The following ANKRD27 variants were observed in gnomAD, a reference collection of about 807,000 sequenced individuals.
ANKRD27 encodes ankyrin repeat domain 27.
In ANKRD27, 112 loss-of-function variants were observed where a neutral mutation model predicts 129.7. That is an observed-to-expected ratio of 0.86 (90% CI 0.74 to 1.01). The LOEUF (loss-of-function observed/expected upper bound fraction) is 1.01. ANKRD27 is among the 50% of genes least tolerant of loss of function. The pLI, the probability that ANKRD27 is intolerant of heterozygous loss-of-function variation, is 0.00. For synonymous variants in ANKRD27, 516 were observed against 511.2 expected (o/e 1.01, Z -0.13); for missense variants, 1,258 against 1,300.5 (o/e 0.97, Z 0.50).
intron 12 of ANKRD27, among the ~76,000 whole-genome samples, chr19:32,634,578 A>T (rs1967056063): frequency 6.6e-6 from 1 of 152,190 alleles, no homozygotes; most frequent in Non-Finnish European, 1.5e-5. Context: ...CTTACACCCC[A>T]GATGCAGAGA....
At chr19:32,618,783 C>G (rs1053171950) in intron 20 of ANKRD27, among the ~76,000 whole-genome samples, 3 of 152,034 alleles carry the variant, frequency 2.0e-5, no homozygotes, top group Non-Finnish European at 4.4e-5. Flanking sequence ...TGGTGGCTCA[C>G]GCCTGTAATC....
At position 32,599,726 on chromosome 19, in the gene ANKRD27, A is replaced by T. The variant is rs1251187290; in HGVS notation, c.2897T>A (p.Leu966Ter). Residue 966 changes from leucine to a stop codon, truncating the protein, a stop_gained, in exon 28 of 29, where the codon TTA (leucine) becomes TAA (stop). Coordinates refer to ENST00000306065, the MANE Select transcript of ANKRD27 (RefSeq NM_032139.3). LOFTEE classifies it low-confidence loss of function (END_TRUNC). ...TACCTCATGCAAAGAACCTTCGGTTAAATTAGGGACACTTCTATCTCTTGC... is the reference window on the plus strand; with the variant it reads ...TACCTCATGCAAAGAACCTTCGGTTTAATTAGGGACACTTCTATCTCTTGC... ...IMARDRSVPN[L>*]TEGSLHEPGR... is the part of the protein sequence containing the mutation. 4 of 1,613,356 alleles carry T rather than the reference A, an allele frequency of 2.5e-6. No individual in the cohort carries two copies. In the Admixed American group the frequency reaches 6.7e-5, roughly 27 times the overall value.
intron 22 of ANKRD27, among the ~76,000 whole-genome samples, chr19:32,612,188 GA>G (rs1008284236): frequency 6.6e-6 from 1 of 151,830 alleles, no homozygotes; most frequent in African/African-American, 2.4e-5. Flanking sequence ...TCTGTATGCT[GA>G]AAAAAAATCA....
chr19:32,671,612 T>G lies in ANKRD27; in HGVS notation c.-31+3459A>C, dbSNP rs181985999. Reference sequence around the variant, plus strand: ...TGGGAGGCTGAGGCACGAGAATCTCTTGAACCTGGGAGGTGGAGGTTGCAG... The same window carrying G: ...TGGGAGGCTGAGGCACGAGAATCTCGTGAACCTGGGAGGTGGAGGTTGCAG... On this transcript the variant is annotated intron_variant, in intron 1 of 28. Coordinates refer to ENST00000306065, the MANE Select transcript of ANKRD27 (RefSeq NM_032139.3). 6.5e-3 allele frequency among the ~76,000 whole-genome samples: 990 copies of G among 152,274 alleles called. 7 individuals are homozygous for G. The highest frequency in any genetic ancestry group is 0.021 in the African/African-American group (855 of 41,564).
intron 19 of ANKRD27, 22 bp from the exon 20 acceptor site, chr19:32,619,401 G>C (rs757584332): frequency 3.7e-6 from 6 of 1,613,688 alleles, no homozygotes; most frequent in Non-Finnish European, 5.1e-6. Flanking sequence ...GAGCCCCAAC[G>C]AGAGAGAGGA....
At chr19:32,635,590 C>G (rs1451829232) in intron 12 of ANKRD27, among the ~76,000 whole-genome samples, 12 of 152,112 alleles carry the variant, frequency 7.9e-5, no homozygotes, top group Non-Finnish European at 1.3e-4. Flanking sequence ...TAGGCATGAG[C>G]CACTGCACCC....
intron 2 of ANKRD27, among the ~76,000 whole-genome samples, chr19:32,654,404 C>G (rs943566888): frequency 2.6e-5 from 4 of 152,202 alleles, no homozygotes; most frequent in Non-Finnish European, 5.9e-5. Context: ...TGGCATTCAA[C>G]TGCTGAGGCC....
rs80002741 is a variant in ANKRD27 at position 32,630,271 on chromosome 19, C to T, written c.1209+1131G>A. ...CCCAGGACCCACTCTGGCTCCAGGT[C>T]GCCTGGAAGCACAGCAGCCTCCCCC... On this transcript the variant is annotated intron_variant, in intron 13 of 28. Transcript: ENST00000306065. Among the ~76,000 whole-genome samples, 2,600 of 152,314 alleles carry T rather than the reference C, an allele frequency of 0.017. 136 individuals are homozygous for T. The East Asian group carries it at 0.21, about 12-fold the overall frequency.
chr19:32,639,241 G>A (rs760863911), intron 12 of ANKRD27, 115 bp downstream of exon 12: 1 of 1,261,810 alleles, frequency 7.9e-7, no homozygotes, highest in South Asian at 1.4e-5. Context: ...AACAGCTGAG[G>A]CCCCATTCCT....
intron 22 of ANKRD27, chr19:32,608,302 T>C: frequency 3.9e-6 from 1 of 255,234 alleles, no homozygotes. Context: ...TATGCCACTG[T>C]ACCTGGCTAA....
At chr19:32,631,304 C>T in intron 13 of ANKRD27, 98 bp downstream of exon 13, 1 of 1,081,270 alleles carries the variant, frequency 9.2e-7, no homozygotes, top group Non-Finnish European at 1.4e-6. Context: ...TAGGCATGAG[C>T]CACCATGCCT....
At chr19:32,663,253 A>G (rs1967681217) in intron 1 of ANKRD27, among the ~76,000 whole-genome samples, 1 of 152,168 alleles carries the variant, frequency 6.6e-6, no homozygotes, top group Non-Finnish European at 1.5e-5. Context: ...CCAACCCACC[A>G]GCAGAATACA....
intron 22 of ANKRD27, among the ~76,000 whole-genome samples, chr19:32,609,107 CAAAAA>C (rs57945865): frequency 7.4e-6 from 1 of 135,702 alleles, no homozygotes; most frequent in Non-Finnish European, 1.6e-5. Context: ...ACTCCATCTC[CAAAAA>C]AAAAAAAAAA....
At chr19:32,664,058 A>C in intron 1 of ANKRD27, among the ~76,000 whole-genome samples, 1 of 87,798 alleles carries the variant, frequency 1.1e-5, no homozygotes, top group Non-Finnish European at 2.5e-5. Context: ...TCTGTCTCAA[A>C]AAAAAAAAAA....
At chr19:32,654,175 C>T (rs1483773211) in intron 2 of ANKRD27, among the ~76,000 whole-genome samples, 1 of 152,158 alleles carries the variant, frequency 6.6e-6, no homozygotes, top group East Asian at 1.9e-4. Flanking sequence ...GCTGGGATTA[C>T]AGGCGTGAGC....
At position 32,658,864 on chromosome 19, in the gene ANKRD27, C is replaced by T. The variant is rs369133070; in HGVS notation, c.102+50G>A. The T allele has an allele frequency of 3.4e-4, 494 of 1,445,190 alleles. 2 individuals carry two copies. Among genetic ancestry groups the T allele is most frequent in the Admixed American group, 2.0e-3 (121 of 59,708 alleles). The allele number at this position is 1,445,190 out of a possible 1,614,324, so 89.5% of individuals were successfully genotyped here. ...CAAACTGAGCCTTAGTCTACCACGT[C>T]TCTGGAACCATTCATGCCTCAGGAC... On this transcript the variant is annotated intron_variant, in intron 2 of 28. Coordinates refer to ENST00000306065, the MANE Select transcript of ANKRD27 (RefSeq NM_032139.3).
chr19:32,624,724 T>C (rs1466755731), intron 17 of ANKRD27, among the ~76,000 whole-genome samples: 1 of 151,928 alleles, frequency 6.6e-6, no homozygotes, highest in Non-Finnish European at 1.5e-5. Flanking sequence ...GAGGATTACT[T>C]GAGTTCAGGA....
intron 2 of ANKRD27, among the ~76,000 whole-genome samples, chr19:32,654,568 G>T (rs1202281670): frequency 2.0e-5 from 3 of 152,210 alleles, no homozygotes; most frequent in African/African-American, 7.2e-5. Context: ...ACAAGAGGGG[G>T]CCGGCATGGG....
intron 1 of ANKRD27, among the ~76,000 whole-genome samples, chr19:32,667,847 A>AAAAAG (rs1568422520): frequency 1.3e-5 from 2 of 151,756 alleles, no homozygotes; most frequent in Non-Finnish European, 2.9e-5. Context: ...AAAAAAAAAA[A>AAAAAG]AGTCATTAGA....
Sources: allele counts gnomAD v4.1 joint callset (sites outside exome capture counted in the v4.1 genomes callset), GRCh38; gene constraint gnomAD v4.1.1; transcripts MANE v1.5; gene names NCBI Gene and HGNC (gene_info 2026-07-23, HGNC 2026-07-21).